ZEB1: variants seen among roughly 807,000 people sequenced by gnomAD.
The protein encoded by ZEB1 is zinc finger E-box-binding homeobox 1.
A neutral mutation model predicts 84.9 loss-of-function variants in ZEB1; 21 were observed. That is an observed-to-expected ratio of 0.25 (90% CI 0.18 to 0.36). The LOEUF (loss-of-function observed/expected upper bound fraction) is 0.36, where lower values mean the gene tolerates loss of function less well. Among genes scored for constraint, ZEB1 ranks in the 10% least tolerant of loss-of-function variants. ZEB1 has a pLI of 1.00. For synonymous variants in ZEB1, 420 were observed against 471.1 expected, an observed-to-expected ratio of 0.89 and a Z score of 1.41; for missense variants, 1,104 against 1,330.2, an observed-to-expected ratio of 0.83 and a Z score of 2.65.
chr10:31,390,320 C>T (rs546940644), intron 1 of ZEB1, among the ~76,000 whole-genome samples: 7 of 152,164 alleles, frequency 4.6e-5, no homozygotes, highest in East Asian at 1.9e-4. Flanking sequence ...TCTTTCTCTG[C>T]GCAGGATTTT....
chr10:31,322,465 G>T (rs1438539380), intron 1 of ZEB1, among the ~76,000 whole-genome samples: 2 of 152,198 alleles, frequency 1.3e-5, no homozygotes, highest in Non-Finnish European at 2.9e-5. Context: ...TTGCTGCTAA[G>T]CCTTCTGTAA....
intron 1 of ZEB1, chr10:31,389,465 G>A (rs1367396378): frequency 6.6e-6 from 1 of 151,924 alleles, no homozygotes; most frequent in Non-Finnish European, 1.5e-5. Flanking sequence ...TTTTGTTTTT[G>A]AAGTGTTCCT....
intron 1 of ZEB1, among the ~76,000 whole-genome samples, chr10:31,395,865 A>G (rs2050620294): frequency 6.6e-6 from 1 of 152,222 alleles, no homozygotes; most frequent in Non-Finnish European, 1.5e-5. Flanking sequence ...TATGCCAGCC[A>G]GTTATGATTC....
At chr10:31,346,359 G>A (rs2040310805) in intron 1 of ZEB1, among the ~76,000 whole-genome samples, 1 of 152,152 alleles carries the variant, frequency 6.6e-6, no homozygotes, top group Non-Finnish European at 1.5e-5. Context: ...AAAAGAATAT[G>A]AGTTGTTGAT....
chr10:31,502,574 C>A, intron 4 of ZEB1, 65 bp downstream of exon 4: 1 of 1,597,860 alleles, frequency 6.3e-7, no homozygotes, highest in Non-Finnish European at 8.6e-7. Flanking sequence ...TACCATTCTA[C>A]TATGGGAACC....
intron 1 of ZEB1, among the ~76,000 whole-genome samples, chr10:31,455,470 T>C (rs1206087200): frequency 1.3e-5 from 2 of 152,040 alleles, no homozygotes; most frequent in Admixed American, 6.6e-5. Flanking sequence ...TCAGAGTGAA[T>C]AGGCAACCTA....
In ZEB1 at chr10:31,521,805, C is replaced by T. The variant is rs780851334; in HGVS notation, c.2473C>T (p.Pro825Ser). ...IVAIADQNSV[P>S]CLRALAANKQ... ...GGCCATTGCTGACCAGAACAGTGTT[C>T]CATGCTTAAGAGCGCTAGCTGCCAA... Residue 825 changes from proline (P) to serine (S), a missense_variant, in exon 7 of 9, where the codon CCA (proline) becomes TCA (serine). Pro to Ser is a moderately conservative substitution (Grantham distance 74). This residue lies in a region of ZEB1 where 531 missense variants were observed against 575.2 expected (regional missense o/e 0.92). Transcript: ENST00000424869. The T allele has an allele frequency of 2.5e-6, 4 of 1,613,714 alleles. No individual in the cohort carries two copies. The highest frequency in any genetic ancestry group is 3.4e-6 in the Non-Finnish European group (4 of 1,179,832).
rs1002359178 is a variant in ZEB1, at chr10:31,461,349, C to T, written c.259+112C>T. The T allele has an allele frequency of 3.3e-6, 4 of 1,200,520 alleles. No individual in the cohort carries two copies. The African/African-American group carries it at 6.1e-5, about 18-fold the overall frequency. 74.4% of individuals were successfully genotyped at this position (1,200,520 alleles called of 1,614,324 possible). A position where few individuals can be genotyped will look rare whatever the true frequency, so the allele number is the denominator to read the frequency against. ...AGTTTGAAATCAATAGTAAATTTGG[C>T]TATCAATAAATATTAGGTGTCCTAC... On this transcript the variant is annotated intron_variant, in intron 2 of 8. Transcript: ENST00000424869.
chr10:31,480,850 G>A (rs2064954581), intron 2 of ZEB1, among the ~76,000 whole-genome samples: 1 of 151,962 alleles, frequency 6.6e-6, no homozygotes, highest in Admixed American at 6.6e-5. Context: ...GTAATTTCTT[G>A]TTTTCCATAC....
intron 1 of ZEB1, chr10:31,387,766 G>T (rs187628983): frequency 7.3e-5 from 72 of 985,104 alleles, no homozygotes; most frequent in Non-Finnish European, 1.8e-5. Flanking sequence ...ACTTCAGAAA[G>T]TGTGGAAGCA....
At chr10:31,344,986 C>A (rs185051046) in intron 1 of ZEB1, among the ~76,000 whole-genome samples, 1 of 151,876 alleles carries the variant, frequency 6.6e-6, no homozygotes, top group Admixed American at 6.6e-5. Context: ...TATTTTGATA[C>A]GGGAAAATAC....
intron 1 of ZEB1, among the ~76,000 whole-genome samples, chr10:31,396,618 A>G (rs993922507): frequency 1.3e-5 from 2 of 152,210 alleles, no homozygotes; most frequent in African/African-American, 4.8e-5. Context: ...GTGTGAGGAG[A>G]GAGAGAAAAG....
intron 2 of ZEB1, among the ~76,000 whole-genome samples, chr10:31,473,157 G>A: frequency 6.6e-6 from 1 of 150,954 alleles, no homozygotes; most frequent in East Asian, 1.9e-4. Flanking sequence ...ACAAGACAGG[G>A]ATGCCCTCTC....
At chr10:31,422,169 C>G (rs1283908597) in intron 1 of ZEB1, among the ~76,000 whole-genome samples, 1 of 152,112 alleles carries the variant, frequency 6.6e-6, no homozygotes, top group Admixed American at 6.6e-5. Context: ...TGGGGCAAAG[C>G]CTTTTCATCT....
At chr10:31,449,259 C>A (rs1294898038) in intron 1 of ZEB1, among the ~76,000 whole-genome samples, 2 of 150,644 alleles carry the variant, frequency 1.3e-5, no homozygotes, top group Non-Finnish European at 3.0e-5. Flanking sequence ...CAATGCCTCG[C>A]CCTGCTTCGG....
At position 31,387,843 on chromosome 10, in the gene ZEB1, T is replaced by C. The variant is rs1041905015; in HGVS notation, c.58+68551T>C. 4.7e-6 allele frequency: 4 copies of C among 855,856 alleles called. No homozygotes were observed. The South Asian group carries it at 1.6e-4, about 34-fold the overall frequency. 53.0% of individuals were successfully genotyped at this position (855,856 alleles called of 1,614,324 possible). ...TTTATGTCAGATCTTAATTGAAAAA[T>C]ATTACTTAAAACTTGAAAAAATTAC... On this transcript the variant is annotated intron_variant, in intron 1 of 8. Transcript: ENST00000424869.
At chr10:31,368,150 C>CTTTA (rs917748453) in intron 1 of ZEB1, among the ~76,000 whole-genome samples, 25 of 151,724 alleles carry the variant, frequency 1.6e-4, no homozygotes, top group African/African-American at 4.4e-4. Context: ...CTCTCATGTA[C>CTTTA]TTTATTTATT....
At chr10:31,345,332 C>T (rs554646064) in intron 1 of ZEB1, among the ~76,000 whole-genome samples, 1 of 151,870 alleles carries the variant, frequency 6.6e-6, no homozygotes, top group African/African-American at 2.4e-5. Flanking sequence ...TGTAATAAAT[C>T]CTATTAAACC....
intron 1 of ZEB1, among the ~76,000 whole-genome samples, chr10:31,422,816 C>T (rs2056384431): frequency 6.6e-6 from 1 of 151,976 alleles, no homozygotes; most frequent in African/African-American, 2.4e-5. Context: ...AGCCCTTACT[C>T]CTTTTCTTTT....
Sources: allele counts gnomAD v4.1 joint callset (sites outside exome capture counted in the v4.1 genomes callset), GRCh38; gene constraint gnomAD v4.1.1; regional missense constraint gnomAD v4.1.1; transcripts MANE v1.5; gene names NCBI Gene and HGNC (gene_info 2026-07-23, HGNC 2026-07-21).